The following CUL3 variants were observed in gnomAD, a reference collection of about 807,000 sequenced individuals.
The protein encoded by CUL3 is cullin-3.
CUL3 carries 19 observed loss-of-function variants against 89.1 expected under a neutral mutation model. The ratio of observed to expected loss-of-function variants is 0.21; its 90% CI spans 0.15 to 0.31. The LOEUF (loss-of-function observed/expected upper bound fraction) is 0.31, where lower values mean the gene tolerates loss of function less well. Ranked by LOEUF, CUL3 falls within the 10% of genes least tolerant of loss-of-function variation. The pLI, the probability that CUL3 is intolerant of heterozygous loss-of-function variation, is 1.00. For synonymous variants in CUL3, 351 were observed against 308.4 expected (o/e 1.14, Z -1.45); for missense variants, 469 against 942.3 (o/e 0.50, Z 6.58).
At chr2:224,560,170 A>G (rs1347592762) in intron 1 of CUL3, among the ~76,000 whole-genome samples, 1 of 152,126 alleles carries the variant, frequency 6.6e-6, no homozygotes, top group African/African-American at 2.4e-5. Context: ...TCTGTCTCCT[A>G]TTCATCTGTT....
At chr2:224,583,543 AT>A (rs1301810033) in intron 1 of CUL3, among the ~76,000 whole-genome samples, 2 of 152,210 alleles carry the variant, frequency 1.3e-5, no homozygotes, top group African/African-American at 4.8e-5. Flanking sequence ...GCTTGTCAAC[AT>A]TTCTCACGTT....
chr2:224,540,379 G>A (rs1175359747), intron 2 of CUL3, among the ~76,000 whole-genome samples: 3 of 151,242 alleles, frequency 2.0e-5, no homozygotes, highest in Non-Finnish European at 4.4e-5. Flanking sequence ...TTCTGAAAAC[G>A]GCTCTAAAAA....
At chr2:224,488,048 A>G (rs539300540) in intron 13 of CUL3, among the ~76,000 whole-genome samples, 29 of 152,322 alleles carry the variant, frequency 1.9e-4, no homozygotes, top group African/African-American at 5.8e-4. Flanking sequence ...TTTGAAACCA[A>G]TGAGAACTAA....
chr2:224,556,726 T>C (rs1214771656), intron 2 of CUL3, among the ~76,000 whole-genome samples: 1 of 152,160 alleles, frequency 6.6e-6, no homozygotes, highest in Non-Finnish European at 1.5e-5. Context: ...TTAAGTAAGA[T>C]TTCTTTATTC....
At chr2:224,582,963 G>A (rs1695476273) in intron 1 of CUL3, among the ~76,000 whole-genome samples, 1 of 152,146 alleles carries the variant, frequency 6.6e-6, no homozygotes. Flanking sequence ...CAATCAGAAG[G>A]CCATTAACTT....
At chr2:224,556,919 A>G (rs1300745397) in intron 2 of CUL3, among the ~76,000 whole-genome samples, 3 of 152,138 alleles carry the variant, frequency 2.0e-5, no homozygotes, top group Admixed American at 6.5e-5. Context: ...AAGAGTTCAC[A>G]TCGTGCTATT....
At chr2:224,560,119 C>G (rs955961237) in intron 1 of CUL3, among the ~76,000 whole-genome samples, 5 of 152,196 alleles carry the variant, frequency 3.3e-5, no homozygotes, top group Non-Finnish European at 7.4e-5. Context: ...AAATTCCTCA[C>G]TTAACTTCCA....
chr2:224,549,040 C>T (rs1004595686), intron 2 of CUL3, among the ~76,000 whole-genome samples: 8 of 152,128 alleles, frequency 5.3e-5, no homozygotes, highest in African/African-American at 9.6e-5. Context: ...AAAAGCTGGA[C>T]GCTGTGGCTC....
intron 3 of CUL3, among the ~76,000 whole-genome samples, chr2:224,525,869 G>T (rs558077814): frequency 2.1e-4 from 32 of 152,200 alleles, no homozygotes; most frequent in African/African-American, 7.0e-4. Flanking sequence ...TTTTAAGATG[G>T]TATAAAACTT....
At chr2:224,523,403 A>T (rs954706012) in intron 3 of CUL3, among the ~76,000 whole-genome samples, 6 of 151,836 alleles carry the variant, frequency 4.0e-5, no homozygotes, top group Non-Finnish European at 5.9e-5. Flanking sequence ...AAAAAAACAC[A>T]AAACACAAAA....
At chr2:224,565,963 T>G (rs114972435) in intron 1 of CUL3, among the ~76,000 whole-genome samples, 58 of 152,350 alleles carry the variant, frequency 3.8e-4, no homozygotes, top group African/African-American at 1.3e-3. Flanking sequence ...CCTTCCAGAC[T>G]TTCATCATGT....
At chr2:224,518,138 C>T (rs1049053207) in intron 3 of CUL3, among the ~76,000 whole-genome samples, 1 of 152,144 alleles carries the variant, frequency 6.6e-6, no homozygotes, top group Non-Finnish European at 1.5e-5. Flanking sequence ...ATAGAAAGTA[C>T]TGGCAATTCT....
At chr2:224,493,139 C>A (rs910995136) in intron 13 of CUL3, among the ~76,000 whole-genome samples, 4 of 152,170 alleles carry the variant, frequency 2.6e-5, no homozygotes, top group African/African-American at 4.8e-5. Flanking sequence ...CAATCCCTAA[C>A]CCACAGAAAC....
Position 224,554,733 on chromosome 2 carries a change from G to A in CUL3, c.264+2926C>T, listed in dbSNP as rs114152938. 8.8e-3 allele frequency among the ~76,000 whole-genome samples: 1,336 copies of A among 152,298 alleles called. 22 individuals carry two copies. Among genetic ancestry groups the A allele is most frequent in the African/African-American group, 0.03 (1,246 of 41,550 alleles). On this transcript the variant is annotated intron_variant, in intron 2 of 15. Coordinates refer to ENST00000264414, the MANE Select transcript of CUL3 (RefSeq NM_003590.5). The stretch of plus-strand genomic sequence containing the variant: ...TAAATGCTAAATAAAAGTTAATTGT[G>A]TTAATTATCATTCCCTATAGAACCT...
chr2:224,515,380 T>C (rs1261240011), intron 3 of CUL3, among the ~76,000 whole-genome samples: 2 of 152,218 alleles, frequency 1.3e-5, no homozygotes, highest in Non-Finnish European at 1.5e-5. Context: ...GTGTTGTGCA[T>C]TCCTTGAAAA....
At chr2:224,544,976 T>C (rs375276491) in intron 2 of CUL3, among the ~76,000 whole-genome samples, 35 of 152,214 alleles carry the variant, frequency 2.3e-4, no homozygotes, top group African/African-American at 6.7e-4. Flanking sequence ...CTCTAAAGGA[T>C]AGAATTTCTG....
chr2:224,528,213 G>C (rs1693550260), intron 3 of CUL3, among the ~76,000 whole-genome samples: 1 of 152,176 alleles, frequency 6.6e-6, no homozygotes, highest in South Asian at 2.1e-4. Flanking sequence ...TGTTGGCAGG[G>C]CTGGCTCCTT....
intron 2 of CUL3, among the ~76,000 whole-genome samples, chr2:224,537,024 C>T (rs924015487): frequency 6.6e-6 from 1 of 152,142 alleles, no homozygotes; most frequent in African/African-American, 2.4e-5. Context: ...TATCCTTTAC[C>T]ATAGAGAATT....
At chr2:224,501,293 CAG>C (rs1333868992) in intron 10 of CUL3, among the ~76,000 whole-genome samples, 1 of 152,202 alleles carries the variant, frequency 6.6e-6, no homozygotes, top group Non-Finnish European at 1.5e-5. Flanking sequence ...CCTCTGCATA[CAG>C]ATCCAGTGCT....
Sources: gnomAD v4.1 joint callset for allele counts (sites outside exome capture counted in the v4.1 genomes callset) on GRCh38, gnomAD v4.1.1 for gene constraint, MANE v1.5 for transcripts, NCBI Gene and HGNC (gene_info 2026-07-23, HGNC 2026-07-21) for gene names.